The following ZNF208 variants were observed in gnomAD, a reference collection of about 807,000 sequenced individuals.
The protein encoded by ZNF208 is zinc finger protein 95.
Under a neutral mutation model 12.1 loss-of-function variants are expected in ZNF208, and 10 were observed. That is an observed-to-expected ratio of 0.83 (90% confidence interval 0.51 to 1.40). ZNF208 has a LOEUF of 1.40. Ranked by LOEUF, ZNF208 falls within the 40% of genes most tolerant of loss-of-function variation. The pLI, the probability that ZNF208 is intolerant of heterozygous loss-of-function variation, is 0.00. For synonymous variants in ZNF208, 497 were observed against 488.4 expected (o/e 1.02, Z -0.23); for missense variants, 1,652 against 1,485.0 (o/e 1.11, Z -1.85).
intron 1 of ZNF208, among the ~76,000 whole-genome samples, chr19:22,005,767 A>C (rs575917534): frequency 1.6e-4 from 25 of 152,188 alleles, no homozygotes; most frequent in African/African-American, 6.0e-4. Flanking sequence ...TAAAATATAC[A>C]ACCCCCAAAA....
chr19:21,961,310 T>C (rs1484072490), downstream of ZNF208, among the ~76,000 whole-genome samples: 1 of 151,820 alleles, frequency 6.6e-6, no homozygotes, highest in African/African-American at 2.4e-5. Context: ...GGGGAGGGGG[T>C]GTACGAACAG....
At chr19:21,963,960 T>A (rs578208883), downstream of ZNF208, among the ~76,000 whole-genome samples, 1 of 152,004 alleles carries the variant, frequency 6.6e-6, no homozygotes, top group South Asian at 2.1e-4. Context: ...CTATAAAGTA[T>A]TGCATATTTC....
chr19:22,010,932 G>A lies in ZNF208; in HGVS notation c.-138C>T, dbSNP rs558341844. On this transcript the variant is annotated 5_prime_UTR_variant, in exon 1 of 4. Transcript: ENST00000397126. ...CGAGACCTTGACCTCCGGCTGCAGC[G>A]AGAGACAAAGGACCGACCACATCCC... 7.6e-6 allele frequency: 10 copies of A among 1,310,266 alleles called. No individual in the cohort carries two copies. Among genetic ancestry groups the A allele is most frequent in the African/African-American group, 2.9e-5 (2 of 68,858 alleles). The allele number at this position is 1,310,266 out of a possible 1,614,324, so 81.2% of individuals were successfully genotyped here.
intron 3 of ZNF208, among the ~76,000 whole-genome samples, chr19:21,976,010 T>C (rs973244385): frequency 6.6e-6 from 1 of 151,926 alleles, no homozygotes; most frequent in African/African-American, 2.4e-5. Flanking sequence ...GAAAATAACA[T>C]AATGTAAGAA....
chr19:21,970,792 G>T lies in ZNF208; in HGVS notation c.*399C>A. The T allele has an allele frequency of 6.9e-7, 1 of 1,439,258 alleles. No homozygotes were observed. The highest frequency in any genetic ancestry group is 9.7e-7 in the Non-Finnish European group (1 of 1,026,502). 89.2% of individuals were successfully genotyped at this position (1,439,258 alleles called of 1,614,324 possible). On this transcript the variant is annotated 3_prime_UTR_variant, in exon 4 of 4. Transcript: ENST00000397126. The stretch of plus-strand genomic sequence containing the variant: ...CATTTTTAGAATTTCTCTCCAGCAT[G>T]AATTTTCTTATGTTTACTAAAGACT...
At chr19:22,007,505 C>CAAAAAAA (rs58769307) in intron 1 of ZNF208, among the ~76,000 whole-genome samples, 3 of 62,562 alleles carry the variant, frequency 4.8e-5, no homozygotes, top group Admixed American at 2.4e-4. Flanking sequence ...ACTCTGTCTC[C>CAAAAAAA]AAAAAAAAAA....
chr19:21,944,735 T>C (rs578007998), intron 4 of ZNF208, among the ~76,000 whole-genome samples: 39 of 152,322 alleles, frequency 2.6e-4, no homozygotes, highest in Non-Finnish European at 4.9e-4. Context: ...TTAAAAATTT[T>C]AATTTTCCCA....
chr19:21,972,760 A>G lies in ZNF208; in HGVS notation c.2274T>C (p.Tyr758=), dbSNP rs755138131. Residue 758 remains tyrosine (Y), a synonymous_variant, in exon 4 of 4, where the codon TAT becomes TAC. Coordinates refer to ENST00000397126, the MANE Select transcript of ZNF208 (RefSeq NM_007153.3). ...PYKCEECGKA[Y]KWSSTLSYHK... ...GATAACTAAGGGTTGAGGACCACTT[A>G]TAGGCTTTGCCACATTCTTCACATT... 47 of 1,610,836 alleles carry G rather than the reference A, an allele frequency of 2.9e-5. 1 individual carries two copies. Among genetic ancestry groups the G allele is most frequent in the Non-Finnish European group, 3.7e-5 (44 of 1,179,502 alleles).
chr19:21,976,778 C>G (rs1050293291), intron 3 of ZNF208, among the ~76,000 whole-genome samples: 1 of 152,164 alleles, frequency 6.6e-6, no homozygotes, highest in African/African-American at 2.4e-5. Context: ...CCAGGCTGGT[C>G]TTGAGCTCCT....
rs1431355925 is a variant in ZNF208, at chr19:21,968,247, C to G, written c.*2944G>C. The G allele has an allele frequency of 6.6e-6, 1 of 152,068 alleles. No homozygotes were observed. The highest frequency in any genetic ancestry group is 1.5e-5 in the Non-Finnish European group (1 of 67,988). The allele number at this position is 152,068 out of a possible 1,614,324, so 9.4% of individuals were successfully genotyped here. A position where few individuals can be genotyped will look rare whatever the true frequency, so the allele number is the denominator to read the frequency against. ...TTATTCTCTGGCTAGGATTTCATAA[C>G]TTCAATAGGACTGTTTAGAATGGAT... is the stretch of plus-strand genomic sequence containing the variant. On this transcript the variant is annotated 3_prime_UTR_variant, in exon 4 of 4. Transcript: ENST00000397126.
intron 4 of ZNF208, among the ~76,000 whole-genome samples, chr19:21,954,448 A>G (rs1969939867): frequency 6.6e-6 from 1 of 152,146 alleles, no homozygotes; most frequent in African/African-American, 2.4e-5. Context: ...AAAGTCTCCC[A>G]TTATTATTGT....
intron 4 of ZNF208, among the ~76,000 whole-genome samples, chr19:21,942,730 C>T (rs531636075): frequency 6.6e-6 from 1 of 152,214 alleles, no homozygotes; most frequent in Admixed American, 6.5e-5. Flanking sequence ...TTCACTGCAA[C>T]CTCCGCCTCC....
chr19:21,979,520 G>T (rs1970496284), intron 3 of ZNF208, among the ~76,000 whole-genome samples: 1 of 152,146 alleles, frequency 6.6e-6, no homozygotes, highest in Non-Finnish European at 1.5e-5. Context: ...TTACAGATAA[G>T]CAAATGCTGA....
Position 21,971,175 on chromosome 19 carries a change from C to T in ZNF208, c.*16G>A. On this transcript the variant is annotated 3_prime_UTR_variant, in exon 4 of 4. Coordinates refer to ENST00000397126, the MANE Select transcript of ZNF208 (RefSeq NM_007153.3). ...GTTGAGGGCCACTTATAGGCTTTGC[C>T]ACATTCTTCACATTTCTAGAGTTTC... 6.2e-7 allele frequency: 1 copy of T among 1,612,150 alleles called. No individual in the cohort carries two copies. Among genetic ancestry groups the T allele is most frequent in the Non-Finnish European group, 8.5e-7 (1 of 1,179,542 alleles).
chr19:22,009,280 T>A (rs1568459859), intron 1 of ZNF208, among the ~76,000 whole-genome samples: 1 of 152,124 alleles, frequency 6.6e-6, no homozygotes, highest in Non-Finnish European at 1.5e-5. Flanking sequence ...AAATTAAGTA[T>A]TTTACTGCAA....
Position 21,966,728 on chromosome 19 carries a change from T to C in ZNF208, c.*4463A>G, listed in dbSNP as rs147321467. On this transcript the variant is annotated 3_prime_UTR_variant, in exon 4 of 4. Transcript: ENST00000397126. ...AATTAATTTGCATTCCCACCAACAG[T>C]GTAGAAAGATTTCCTTATCTCTACA... 6.6e-6 allele frequency: 1 copy of C among 152,290 alleles called. No individual in the cohort carries two copies. Among genetic ancestry groups the C allele is most frequent in the East Asian group, 1.9e-4 (1 of 5,184 alleles). The allele number at this position is 152,290 out of a possible 1,614,324, so 9.4% of individuals were successfully genotyped here.
At chr19:21,952,093 G>A (rs1401130784) in intron 4 of ZNF208, among the ~76,000 whole-genome samples, 2 of 152,222 alleles carry the variant, frequency 1.3e-5, no homozygotes, top group Non-Finnish European at 2.9e-5. Flanking sequence ...GCCTGGCTAG[G>A]GGAGGGGCAT....
chr19:21,959,007 C>T (rs1037141107), intron 4 of ZNF208, among the ~76,000 whole-genome samples: 9 of 151,710 alleles, frequency 5.9e-5, no homozygotes, highest in Admixed American at 3.9e-4. Flanking sequence ...GCTTGAACTT[C>T]GGAGGCTGAG....
intron 1 of ZNF208, among the ~76,000 whole-genome samples, chr19:22,003,868 T>C (rs991923642): frequency 2.0e-5 from 3 of 151,986 alleles, no homozygotes; most frequent in African/African-American, 7.3e-5. Context: ...ACTGGTAGAC[T>C]AGATAAAGAA....
Sources: gnomAD v4.1 joint callset for allele counts (sites outside exome capture counted in the v4.1 genomes callset) on GRCh38, gnomAD v4.1.1 for gene constraint, MANE v1.5 for transcripts, NCBI Gene and HGNC (gene_info 2026-07-23, HGNC 2026-07-21) for gene names.